NTRK2: variants seen among roughly 807,000 people sequenced by gnomAD.
The protein encoded by NTRK2 is neurotrophic receptor tyrosine kinase 2.
Under a neutral mutation model 94.5 loss-of-function variants are expected in NTRK2, and 13 were observed. The ratio of observed to expected loss-of-function variants is 0.14; its 90% CI spans 0.09 to 0.22. The LOEUF (loss-of-function observed/expected upper bound fraction) is 0.22, where lower values mean the gene tolerates loss of function less well. Ranked by LOEUF, NTRK2 falls within the 10% of genes least tolerant of loss-of-function variation. The probability of loss-of-function intolerance (pLI) is 1.00; values close to 1 mark genes in which losing one functional copy is unlikely to be tolerated. For synonymous variants in NTRK2, 372 were observed against 407.4 expected (o/e 0.91, Z 1.05); for missense variants, 639 against 1,071.2 (o/e 0.60, Z 5.63).
intron 17 of NTRK2, among the ~76,000 whole-genome samples, chr9:84,998,724 C>T (rs148874876): frequency 4.6e-5 from 7 of 152,248 alleles, no homozygotes; most frequent in Admixed American, 2.0e-4. Context: ...CGGAGAAACT[C>T]GCCCACCCAC....
At chr9:84,852,896 G>C (rs1311828039) in intron 12 of NTRK2, among the ~76,000 whole-genome samples, 1 of 152,162 alleles carries the variant, frequency 6.6e-6, no homozygotes, top group African/African-American at 2.4e-5. Context: ...TTTTTAAAAT[G>C]CTGCAACAGA....
chr9:84,712,389 T>C (rs2061468535), intron 6 of NTRK2, among the ~76,000 whole-genome samples: 1 of 152,026 alleles, frequency 6.6e-6, no homozygotes, highest in Admixed American at 6.6e-5. Context: ...TTTCAGTCAT[T>C]TTTTATTTCT....
At chr9:84,782,623 C>CT (rs2067705466) in intron 12 of NTRK2, among the ~76,000 whole-genome samples, 1 of 152,142 alleles carries the variant, frequency 6.6e-6, no homozygotes, top group Admixed American at 6.6e-5. Flanking sequence ...CACCCTTTCC[C>CT]TTTTCAGATA....
intron 15 of NTRK2, among the ~76,000 whole-genome samples, chr9:84,943,614 C>T (rs1036001261): frequency 4.6e-5 from 7 of 152,082 alleles, no homozygotes; most frequent in Non-Finnish European, 7.4e-5. Flanking sequence ...GCTCAGTGAT[C>T]GGGCAAATAT....
At chr9:84,945,515 C>A (rs1415373139) in intron 15 of NTRK2, among the ~76,000 whole-genome samples, 1 of 152,166 alleles carries the variant, frequency 6.6e-6, no homozygotes, top group Non-Finnish European at 1.5e-5. Context: ...CTCCTCCATA[C>A]CCTCCATACC....
At chr9:84,935,203 T>G (rs1033179820) in intron 15 of NTRK2, among the ~76,000 whole-genome samples, 2 of 150,628 alleles carry the variant, frequency 1.3e-5, no homozygotes, top group African/African-American at 2.4e-5. Context: ...GATTATTGAG[T>G]TTTTTGCTGT....
At chr9:84,867,175 A>G in intron 13 of NTRK2, 68 bp from the exon 14 acceptor site, 1 of 1,480,024 alleles carries the variant, frequency 6.8e-7, no homozygotes, top group Non-Finnish European at 9.4e-7. Context: ...GGTAAATTTT[A>G]TGTATGTGAA....
At chr9:84,811,520 C>T (rs2071785488) in intron 12 of NTRK2, 1 of 1,065,496 alleles carries the variant, frequency 9.4e-7, no homozygotes, top group Non-Finnish European at 1.1e-6. Context: ...GCCACAGTAT[C>T]TCATGCTGTT....
intron 6 of NTRK2, among the ~76,000 whole-genome samples, chr9:84,719,656 C>T (rs966775018): frequency 1.3e-5 from 2 of 152,070 alleles, no homozygotes; most frequent in African/African-American, 2.4e-5. Flanking sequence ...ACCTTGAGAA[C>T]AAGCACCATG....
chr9:84,751,917 T>C (rs911799344), intron 11 of NTRK2, 69 bp from the exon 12 acceptor site: 1 of 1,178,064 alleles, frequency 8.5e-7, no homozygotes, highest in Non-Finnish European at 1.3e-6. Context: ...ATCGTCATGA[T>C]CATCATCACC....
intron 12 of NTRK2, among the ~76,000 whole-genome samples, chr9:84,841,002 G>A (rs1465003478): frequency 8.5e-5 from 13 of 152,280 alleles, no homozygotes; most frequent in African/African-American, 3.1e-4. Context: ...ATGGGTAGTA[G>A]AAGGAAACTA....
At chr9:84,894,163 T>TCGGGGG (rs1564440809) in intron 14 of NTRK2, among the ~76,000 whole-genome samples, 2 of 7,144 alleles carry the variant, frequency 2.8e-4, no homozygotes, top group African/African-American at 1.3e-3. Flanking sequence ...CTTGACTATT[T>TCGGGGG]GGGAGAATAT....
At chr9:84,742,988 A>G (rs1269866954) in intron 10 of NTRK2, among the ~76,000 whole-genome samples, 4 of 94,230 alleles carry the variant, frequency 4.2e-5, no homozygotes, top group Non-Finnish European at 1.1e-4. Context: ...TTTAGTTAAG[A>G]CTGGGTTTTA....
chr9:84,777,210 G>A (rs1010038171), intron 12 of NTRK2, among the ~76,000 whole-genome samples: 1 of 152,146 alleles, frequency 6.6e-6, no homozygotes, highest in African/African-American at 2.4e-5. Context: ...GTCACTGGTA[G>A]CTCTTCCTAG....
chr9:84,896,328 G>A (rs886800404), intron 14 of NTRK2, among the ~76,000 whole-genome samples: 1 of 152,212 alleles, frequency 6.6e-6, no homozygotes. Context: ...TTTGCCCACT[G>A]CTGTATCTTT....
At chr9:84,688,662 G>A (rs2059864026) in intron 2 of NTRK2, among the ~76,000 whole-genome samples, 1 of 152,102 alleles carries the variant, frequency 6.6e-6, no homozygotes, top group Non-Finnish European at 1.5e-5. Flanking sequence ...AAAGTTCTGG[G>A]TCTAAATGTA....
chr9:84,892,659 G>A (rs1266441319), intron 14 of NTRK2, among the ~76,000 whole-genome samples: 4 of 152,208 alleles, frequency 2.6e-5, no homozygotes, highest in East Asian at 1.9e-4. Context: ...AGTGGCTCAC[G>A]CCTGCAATCC....
intron 10 of NTRK2, among the ~76,000 whole-genome samples, chr9:84,742,460 T>C (rs949526549): frequency 6.6e-6 from 1 of 152,178 alleles, no homozygotes; most frequent in East Asian, 1.9e-4. Context: ...GCTGGTCCCC[T>C]TGTGGTTACA....
chr9:84,813,175 A>C, intron 12 of NTRK2: 1 of 1,046,818 alleles, frequency 9.6e-7, no homozygotes, highest in Non-Finnish European at 1.2e-6. Flanking sequence ...TGGCACTTCA[A>C]TGCCAGGCAG....
Sources: gnomAD v4.1 joint callset for allele counts (sites outside exome capture counted in the v4.1 genomes callset) on GRCh38, gnomAD v4.1.1 for gene constraint, MANE v1.5 for transcripts, NCBI Gene and HGNC (gene_info 2026-07-23, HGNC 2026-07-21) for gene names.